Variants in TRAPPC10 observed in about 807,000 individuals in gnomAD.
TRAPPC10 encodes trafficking protein particle complex subunit 10.
In TRAPPC10, 23 loss-of-function variants were observed where a neutral mutation model predicts 125.5. That is an observed-to-expected ratio of 0.18 (90% CI 0.13 to 0.26). The LOEUF is 0.26. Among genes scored for constraint, TRAPPC10 ranks in the 10% least tolerant of loss-of-function variants. The pLI is 1.00. For missense variants in TRAPPC10, 1,123 were observed against 1,308.4 expected (o/e 0.86, Z 2.19); for synonymous variants, 509 against 518.0 (o/e 0.98, Z 0.24).
chr21:44,042,581 G>T (rs1349930238), intron 3 of TRAPPC10, among the ~76,000 whole-genome samples: 3 of 152,306 alleles, frequency 2.0e-5, no homozygotes, highest in Non-Finnish European at 4.4e-5. Context: ...GACATTTCAT[G>T]TGTGTTTGAG....
intron 11 of TRAPPC10, among the ~76,000 whole-genome samples, chr21:44,078,895 A>G (rs986323893): frequency 6.6e-6 from 1 of 152,234 alleles, no homozygotes; most frequent in Admixed American, 6.5e-5. Flanking sequence ...GCAGTGAGCT[A>G]TGATCACACC....
At chr21:44,047,747 A>G (rs1234431872) in intron 3 of TRAPPC10, among the ~76,000 whole-genome samples, 1 of 151,758 alleles carries the variant, frequency 6.6e-6, no homozygotes, top group Non-Finnish European at 1.5e-5. Context: ...TTCATTTTAG[A>G]TTTGAGGTTT....
Position 44,059,338 on chromosome 21 carries a change from C to A in TRAPPC10, c.790+124C>A. ...CATGTTTTGTTGTTGTCTTTATACA[C>A]ATTATATCGGATATATTCTCGTGAT... On this transcript the variant is annotated intron_variant, in intron 6 of 22. Coordinates refer to ENST00000291574, the MANE Select transcript of TRAPPC10 (RefSeq NM_003274.5). The surrounding 1 kb of genome is among the most constrained non-coding windows in gnomAD (Gnocchi z 4.4). 1.4e-6 allele frequency: 1 copy of A among 700,766 alleles called. No individual in the cohort carries two copies. 43.4% of individuals were successfully genotyped at this position (700,766 alleles called of 1,614,324 possible).
At chr21:44,032,946 A>C (rs1306812748) in intron 2 of TRAPPC10, among the ~76,000 whole-genome samples, 2 of 152,224 alleles carry the variant, frequency 1.3e-5, no homozygotes. Context: ...GTAAACAGAA[A>C]GATGGTATTT....
intron 1 of TRAPPC10, among the ~76,000 whole-genome samples, chr21:44,020,385 CAAA>C (rs2032380903): frequency 6.6e-6 from 1 of 152,116 alleles, no homozygotes; most frequent in Admixed American, 6.6e-5. Context: ...CTCGGCCTCT[CAAA>C]GTGCTGGATT....
intron 8 of TRAPPC10, 29 bp downstream of exon 8, chr21:44,074,499 C>G: frequency 6.2e-7 from 1 of 1,613,340 alleles, no homozygotes; most frequent in Non-Finnish European, 8.5e-7. Context: ...GTGGAATGCT[C>G]ACGTTGTCTC....
intron 7 of TRAPPC10, among the ~76,000 whole-genome samples, chr21:44,070,676 C>T (rs942111045): frequency 2.6e-5 from 4 of 152,258 alleles, no homozygotes; most frequent in African/African-American, 7.2e-5. Flanking sequence ...GAAGCCATGG[C>T]TGCAGAACAA....
At chr21:44,018,544 C>G (rs1186330099) in intron 1 of TRAPPC10, among the ~76,000 whole-genome samples, 1 of 152,004 alleles carries the variant, frequency 6.6e-6, no homozygotes, top group African/African-American at 2.4e-5. Flanking sequence ...ACTAAAAATA[C>G]AAAAATTAGC....
chr21:44,045,254 G>A (rs538742007), intron 3 of TRAPPC10, among the ~76,000 whole-genome samples: 1 of 152,206 alleles, frequency 6.6e-6, no homozygotes, highest in East Asian at 1.9e-4. Flanking sequence ...CTCTTCCTTT[G>A]TGCAGATCCA....
chr21:44,087,001 T>A lies in TRAPPC10; in HGVS notation c.2539+41T>A. 1.2e-6 allele frequency: 2 copies of A among 1,607,858 alleles called. No individual in the cohort carries two copies. The highest frequency in any genetic ancestry group is 1.7e-6 in the Non-Finnish European group (2 of 1,176,540). ...CCCAGGCCCAAGGAGGATGCCCACCTTGCCCTGCACTGTGTGGGTGTGAGG... is the reference window on the plus strand; with the variant it reads ...CCCAGGCCCAAGGAGGATGCCCACCATGCCCTGCACTGTGTGGGTGTGAGG... On this transcript the variant is annotated intron_variant, in intron 16 of 22. Transcript: ENST00000291574. The surrounding 1 kb of genome is among the most constrained non-coding windows in gnomAD (Gnocchi z 4.6).
At chr21:44,084,070 TA>T in intron 14 of TRAPPC10, 51 bp from the exon 15 acceptor site, 1 of 1,609,130 alleles carries the variant, frequency 6.2e-7, no homozygotes, top group Non-Finnish European at 8.5e-7. Flanking sequence ...CGCAGGAAGC[TA>T]ACTGCAAAAC....
chr21:44,017,482 A>G (rs79058951), intron 1 of TRAPPC10, among the ~76,000 whole-genome samples: 1 of 152,192 alleles, frequency 6.6e-6, no homozygotes, highest in African/African-American at 2.4e-5. Context: ...GTGTCTCGGT[A>G]ATTTTTTTCA....
At chr21:44,073,692 G>T (rs566172389) in intron 7 of TRAPPC10, among the ~76,000 whole-genome samples, 1 of 152,282 alleles carries the variant, frequency 6.6e-6, no homozygotes, top group Non-Finnish European at 1.5e-5. Context: ...TTCAAATACA[G>T]ACATTGGGTT....
chr21:44,014,821 G>A (rs1030122723), intron 1 of TRAPPC10, among the ~76,000 whole-genome samples: 1 of 152,028 alleles, frequency 6.6e-6, no homozygotes, highest in Non-Finnish European at 1.5e-5. Flanking sequence ...AAGAGAAGGG[G>A]GCTTCAGTAG....
rs560381210 is a variant in TRAPPC10, at chr21:44,091,229, G to T, written c.2871-694G>T. On this transcript the variant is annotated intron_variant, in intron 18 of 22. Transcript: ENST00000291574. The stretch of plus-strand genomic sequence containing the variant: ...CTATTATTAATATTTTCAAAGTTTT[G>T]CATGTAATGGAAATGGATATAAGCC... 2.6e-5 allele frequency among the ~76,000 whole-genome samples: 4 copies of T among 152,220 alleles called. No homozygotes were observed. In the East Asian group the frequency reaches 7.7e-4, roughly 29 times the overall value.
intron 6 of TRAPPC10, chr21:44,062,695 G>C: frequency 1.0e-6 from 1 of 985,282 alleles, no homozygotes; most frequent in Non-Finnish European, 1.2e-6. Context: ...TGCTCCAATA[G>C]CCCTGAGGAT....
chr21:44,031,940 G>T, intron 1 of TRAPPC10, 151 bp from the exon 2 acceptor site: 1 of 656,366 alleles, frequency 1.5e-6, no homozygotes, highest in Non-Finnish European at 2.7e-6. Context: ...CCTGAGACGT[G>T]TTATGTAGAG....
intron 7 of TRAPPC10, among the ~76,000 whole-genome samples, chr21:44,071,817 C>T (rs1036487263): frequency 6.6e-6 from 1 of 152,190 alleles, no homozygotes; most frequent in African/African-American, 2.4e-5. Context: ...CCAGAGCAGG[C>T]CCGGGGGAGG....
intron 1 of TRAPPC10, among the ~76,000 whole-genome samples, chr21:44,029,827 A>T (rs1434996107): frequency 6.6e-6 from 1 of 152,230 alleles, no homozygotes; most frequent in Admixed American, 6.5e-5. Context: ...AAGCTACCTT[A>T]TCAACTTTGA....
Sources: allele counts gnomAD v4.1 joint callset (sites outside exome capture counted in the v4.1 genomes callset), GRCh38; gene constraint gnomAD v4.1.1; non-coding constraint Gnocchi (gnomAD v3.1); transcripts MANE v1.5; gene names NCBI Gene and HGNC (gene_info 2026-07-23, HGNC 2026-07-21).